Variants in TMEM260 observed in about 807,000 individuals in gnomAD.
TMEM260 encodes transmembrane protein 260.
In TMEM260, 82 loss-of-function variants were observed where a neutral mutation model predicts 88.9. The ratio of observed to expected loss-of-function variants is 0.92; its 90% confidence interval spans 0.77 to 1.11. The LOEUF is 1.11. TMEM260 is among the 50% of genes least tolerant of loss of function. TMEM260 has a pLI of 0.00. For missense variants in TMEM260, 902 were observed against 853.4 expected (o/e 1.06, Z -0.71); for synonymous variants, 314 against 309.3 (o/e 1.02, Z -0.16).
Position 56,634,952 on chromosome 14 carries a change from G to T in TMEM260, c.1778G>T (p.Arg593Met). The T allele has an allele frequency of 6.2e-7, 1 of 1,613,994 alleles. No homozygotes were observed. ...GCCAATGAAGAAATGTGGCAAGCGA[G>T]GTGACTATTCTACATTTTTGTGTGT... ...SVANEEMWQARMKTPFFIFNL... is the reference protein window; with the variant it reads ...SVANEEMWQAMMKTPFFIFNL... The change falls in exon 14 of 16, where the codon AGG becomes ATG. Residue 593 changes from arginine (R) to methionine (M), a missense_variant and splice_region_variant. By Grantham distance (91) the Arg-to-Met change is moderately conservative. Transcript: ENST00000261556.
At chr14:56,606,880 G>C (rs1886943464) in intron 5 of TMEM260, among the ~76,000 whole-genome samples, 1 of 152,194 alleles carries the variant, frequency 6.6e-6, no homozygotes, top group African/African-American at 2.4e-5. Flanking sequence ...GGGTGACAGA[G>C]AAAGACTCCG....
At chr14:56,618,224 G>T (rs950624226) in intron 9 of TMEM260, among the ~76,000 whole-genome samples, 5 of 152,200 alleles carry the variant, frequency 3.3e-5, no homozygotes, top group Non-Finnish European at 7.3e-5. Context: ...GAGGAAATAC[G>T]TGAGGGGTCA....
At chr14:56,634,028 G>A (rs1404686793) in intron 13 of TMEM260, among the ~76,000 whole-genome samples, 2 of 152,184 alleles carry the variant, frequency 1.3e-5, no homozygotes, top group African/African-American at 2.4e-5. Flanking sequence ...GCCGTCATGA[G>A]AAAAAGTCAG....
At chr14:56,590,905 C>T (rs1252727694) in intron 3 of TMEM260, among the ~76,000 whole-genome samples, 2 of 152,190 alleles carry the variant, frequency 1.3e-5, no homozygotes, top group Admixed American at 6.5e-5. Context: ...CAGCTTGTAT[C>T]TCTCACTTTG....
Position 56,579,855 on chromosome 14 carries a change from T to G in TMEM260, c.-60T>G. 8.2e-7 allele frequency: 1 copy of G among 1,225,512 alleles called. No homozygotes were observed. Among genetic ancestry groups the G allele is most frequent in the Non-Finnish European group, 1.0e-6 (1 of 982,582 alleles). The allele number at this position is 1,225,512 out of a possible 1,614,324, so 75.9% of individuals were successfully genotyped here. Reference sequence around the variant, plus strand: ...TGCGCTCGTCTCTCGGCTGGGGAGCTCCGTGTCGCACCGGGTTCTTGGGCT... The same window carrying G: ...TGCGCTCGTCTCTCGGCTGGGGAGCGCCGTGTCGCACCGGGTTCTTGGGCT... On this transcript the variant is annotated 5_prime_UTR_variant, in exon 1 of 16. Transcript: ENST00000261556.
At chr14:56,615,841 G>C (rs749441140) in intron 7 of TMEM260, 103 bp from the exon 8 acceptor site, 14 of 763,464 alleles carry the variant, frequency 1.8e-5, no homozygotes, top group Non-Finnish European at 2.6e-5. Context: ...CCCAGCCCTT[G>C]TGATTGTTCA....
At chr14:56,650,269 T>C (rs1422074390), downstream of TMEM260, 1 of 334,730 alleles carries the variant, frequency 3.0e-6, no homozygotes, top group Non-Finnish European at 5.8e-6. Context: ...GAAGAGCCAG[T>C]GGGAGCCAGT....
intron 12 of TMEM260, among the ~76,000 whole-genome samples, chr14:56,627,340 G>T (rs1319775194): frequency 6.6e-6 from 1 of 152,026 alleles, no homozygotes; most frequent in Non-Finnish European, 1.5e-5. Context: ...TATAAAAAAT[G>T]CATATTTTTT....
intron 8 of TMEM260, among the ~76,000 whole-genome samples, chr14:56,616,473 TTATC>T (rs1887600831): frequency 6.6e-6 from 1 of 152,048 alleles, no homozygotes; most frequent in African/African-American, 2.4e-5. Context: ...ATTTGTACAT[TTATC>T]TATAGTTTTG....
intron 3 of TMEM260, among the ~76,000 whole-genome samples, chr14:56,587,280 CAT>C (rs1395347368): frequency 2.6e-5 from 4 of 151,818 alleles, no homozygotes; most frequent in Non-Finnish European, 5.9e-5. Flanking sequence ...GTAACATAGA[CAT>C]ATATTTAAAT....
At chr14:56,637,929 G>A (rs1472356371) in intron 15 of TMEM260, among the ~76,000 whole-genome samples, 1 of 152,056 alleles carries the variant, frequency 6.6e-6, no homozygotes, top group East Asian at 2.0e-4. Flanking sequence ...AGTCTTGTGA[G>A]TGCTGTGAGA....
chr14:56,651,633 A>G (rs531940884), downstream of TMEM260, among the ~76,000 whole-genome samples: 1 of 152,230 alleles, frequency 6.6e-6, no homozygotes, highest in Non-Finnish European at 1.5e-5. Flanking sequence ...ACAAAGGCAC[A>G]ATTATGGGGC....
intron 15 of TMEM260, chr14:56,638,107 A>C (rs1889257593): frequency 6.9e-6 from 1 of 144,798 alleles, no homozygotes; most frequent in Admixed American, 6.9e-5. Context: ...AGGCAGCAAG[A>C]GAGGGAGGGG....
chr14:56,630,828 G>A (rs904261676), intron 12 of TMEM260, among the ~76,000 whole-genome samples: 1 of 152,104 alleles, frequency 6.6e-6, no homozygotes, highest in Non-Finnish European at 1.5e-5. Context: ...TGGTCTGTTT[G>A]TTTAGCAAGC....
At chr14:56,619,694 G>T (rs185109356) in intron 10 of TMEM260, among the ~76,000 whole-genome samples, 183 of 152,262 alleles carry the variant, frequency 1.2e-3, no homozygotes, top group Non-Finnish European at 2.2e-3. Flanking sequence ...AGTGAGATTG[G>T]ACTGGTATTA....
At chr14:56,599,398 CCA>C (rs1392566478) in intron 3 of TMEM260, among the ~76,000 whole-genome samples, 1 of 152,152 alleles carries the variant, frequency 6.6e-6, no homozygotes, top group East Asian at 1.9e-4. Flanking sequence ...TGCTCCATCT[CCA>C]CAGTCTCTGT....
intron 6 of TMEM260, 37 bp from the exon 7 acceptor site, chr14:56,612,208 A>G: frequency 6.3e-7 from 1 of 1,584,542 alleles, no homozygotes; most frequent in Non-Finnish European, 8.7e-7. Flanking sequence ...CGTCAGTTTA[A>G]TGCTTGTGCA....
intron 15 of TMEM260, among the ~76,000 whole-genome samples, chr14:56,638,772 T>A (rs1474903703): frequency 6.6e-6 from 1 of 152,108 alleles, no homozygotes; most frequent in Non-Finnish European, 1.5e-5. Context: ...TACAGAATAT[T>A]AAGTTCAGGT....
intron 3 of TMEM260, among the ~76,000 whole-genome samples, 189 bp downstream of exon 3, chr14:56,586,101 C>A (rs747463014): frequency 1.6e-4 from 25 of 152,026 alleles, no homozygotes; most frequent in Non-Finnish European, 3.4e-4. Flanking sequence ...GGTTTTGTTT[C>A]CTACAGTGGA....
Sources: gnomAD v4.1 joint callset for allele counts (sites outside exome capture counted in the v4.1 genomes callset) on GRCh38, gnomAD v4.1.1 for gene constraint, MANE v1.5 for transcripts, NCBI Gene and HGNC (gene_info 2026-07-23, HGNC 2026-07-21) for gene names.